RERE: variants seen among roughly 807,000 people sequenced by gnomAD.
The protein encoded by RERE is arginine-glutamic acid dipeptide repeats protein.
RERE carries 40 observed loss-of-function variants against 146.1 expected under a neutral mutation model. That is an observed-to-expected ratio of 0.27 (90% CI 0.21 to 0.36). RERE has a LOEUF of 0.36. Among genes scored for constraint, RERE ranks in the 10% least tolerant of loss-of-function variants. The pLI is 1.00. For synonymous variants in RERE, 1,003 were observed against 866.0 expected, an observed-to-expected ratio of 1.16 and a Z score of -2.78; for missense variants, 1,933 against 2,138.7, an observed-to-expected ratio of 0.90 and a Z score of 1.90.
chr1:8,429,075 G>C (rs970196162), intron 11 of RERE, among the ~76,000 whole-genome samples: 36 of 152,146 alleles, frequency 2.4e-4, no homozygotes, highest in African/African-American at 8.2e-4. Flanking sequence ...CACCACCCTA[G>C]AACAATAAAA....
chr1:8,490,825 A>G (rs1012144303), intron 10 of RERE, among the ~76,000 whole-genome samples: 1 of 150,654 alleles, frequency 6.6e-6, no homozygotes, highest in Non-Finnish European at 1.5e-5. Context: ...AGAGGCCATG[A>G]GGCAACTTTT....
intron 7 of RERE, among the ~76,000 whole-genome samples, chr1:8,510,196 C>T (rs1047179736): frequency 1.3e-5 from 2 of 152,108 alleles, no homozygotes; most frequent in African/African-American, 4.8e-5. Context: ...AACACCAGAA[C>T]AGGCCGATGC....
intron 1 of RERE, among the ~76,000 whole-genome samples, chr1:8,775,139 T>G (rs1641040552): frequency 6.6e-6 from 1 of 151,872 alleles, no homozygotes; most frequent in Non-Finnish European, 1.5e-5. Flanking sequence ...TTTTGTATTT[T>G]TAGTAGAGAC....
At chr1:8,753,997 A>G (rs1202313715) in intron 1 of RERE, among the ~76,000 whole-genome samples, 1 of 152,180 alleles carries the variant, frequency 6.6e-6, no homozygotes, top group East Asian at 1.9e-4. Context: ...AAAACTGAAC[A>G]TAATCATATA....
chr1:8,489,656 A>G (rs10864353), intron 10 of RERE, among the ~76,000 whole-genome samples: 89,036 of 151,914 alleles, frequency 0.59, 26,686 homozygotes, highest in East Asian at 0.83. Flanking sequence ...AAAATGGATA[A>G]AATTTAAAAA....
At position 8,401,038 on chromosome 1, in the gene RERE, C is replaced by CATATATATATAT. The variant is rs59752248; in HGVS notation, c.1284+21677_1284+21688dup. Among the ~76,000 whole-genome samples, 485 of 57,314 alleles carry CATATATATATAT rather than the reference C, an allele frequency of 8.5e-3. 4 individuals are homozygous for CATATATATATAT. The highest frequency in any genetic ancestry group is 0.028 in the Middle Eastern group (1 of 36). 37.6% of individuals were successfully genotyped at this position (57,314 alleles called of 152,430 possible). Reference sequence around the variant, plus strand: ...GTCTCAAAAAAAAAAAAAAAAAAACCATATATATATATATATATATATATA... The same window carrying CATATATATATAT: ...GTCTCAAAAAAAAAAAAAAAAAAACCATATATATATATATATATATATATATATATATATATA... On this transcript the variant is annotated intron_variant, in intron 12 of 22. Transcript: ENST00000400908.
intron 4 of RERE, among the ~76,000 whole-genome samples, chr1:8,607,530 A>ATATAT (rs1646732034): frequency 3.5e-5 from 2 of 57,598 alleles, no homozygotes; most frequent in East Asian, 1.9e-3. Flanking sequence ...TTTTATATAT[A>ATATAT]TTTCTTTTTT....
chr1:8,626,277 CCT>C (rs1326332175), intron 2 of RERE, among the ~76,000 whole-genome samples: 2 of 152,086 alleles, frequency 1.3e-5, no homozygotes, highest in African/African-American at 4.8e-5. Context: ...TGTTTCAGTC[CCT>C]GTTATACCCA....
At chr1:8,771,909 C>CAAAAAAAAAA (rs768264978) in intron 1 of RERE, among the ~76,000 whole-genome samples, 3 of 59,428 alleles carry the variant, frequency 5.0e-5, no homozygotes, top group Non-Finnish European at 1.1e-4. Flanking sequence ...GACTCTGTCT[C>CAAAAAAAAAA]AAAAAAAAAA....
At chr1:8,668,009 T>C (rs1638618860) in intron 1 of RERE, among the ~76,000 whole-genome samples, 1 of 152,214 alleles carries the variant, frequency 6.6e-6, no homozygotes, top group Admixed American at 6.5e-5. Context: ...ACTACAAAAA[T>C]ATCTCCAGAT....
At chr1:8,731,182 C>G (rs1277761496) in intron 1 of RERE, among the ~76,000 whole-genome samples, 2 of 152,148 alleles carry the variant, frequency 1.3e-5, no homozygotes, top group Non-Finnish European at 2.9e-5. Context: ...TGTGGACTAG[C>G]TTGAGAGTTA....
intron 1 of RERE, among the ~76,000 whole-genome samples, chr1:8,744,816 T>C (rs1164933743): frequency 6.6e-6 from 1 of 152,194 alleles, no homozygotes; most frequent in Non-Finnish European, 1.5e-5. Flanking sequence ...TAAGATGGAA[T>C]AAATAGTATG....
intron 12 of RERE, among the ~76,000 whole-genome samples, chr1:8,419,570 C>A (rs1643866180): frequency 6.6e-6 from 1 of 152,158 alleles, no homozygotes; most frequent in Admixed American, 6.5e-5. Context: ...AGTATATTTA[C>A]AAGCAGAAAG....
intron 1 of RERE, among the ~76,000 whole-genome samples, chr1:8,730,140 G>A (rs1033389730): frequency 6.6e-6 from 1 of 152,168 alleles, no homozygotes; most frequent in African/African-American, 2.4e-5. Flanking sequence ...ACTGAAATCA[G>A]TGAACCATCA....
At chr1:8,621,440 A>G (rs1427662457) in intron 3 of RERE, among the ~76,000 whole-genome samples, 1 of 152,188 alleles carries the variant, frequency 6.6e-6, no homozygotes, top group Non-Finnish European at 1.5e-5. Flanking sequence ...TCACCTCATT[A>G]GCTTTTGTTA....
At position 8,537,256 on chromosome 1, in the gene RERE, T is replaced by C. The variant is rs542156512; in HGVS notation, c.830+3958A>G. 3.3e-4 allele frequency among the ~76,000 whole-genome samples: 51 copies of C among 152,288 alleles called. 2 individuals carry two copies. In the South Asian group the frequency reaches 6.6e-3, roughly 20 times the overall value. On this transcript the variant is annotated intron_variant, in intron 7 of 22. Transcript: ENST00000400908. ...ACTTAAATTTCATGGCTAGCACTAA[T>C]ACAGAGTCATAATCCCTTATCTAAA...
intron 1 of RERE, among the ~76,000 whole-genome samples, chr1:8,676,591 G>T (rs572661280): frequency 2.0e-5 from 3 of 152,244 alleles, no homozygotes; most frequent in East Asian, 3.9e-4. Context: ...CAAGGAAAAA[G>T]AGACTCTTAA....
At chr1:8,738,913 G>A (rs542130439) in intron 1 of RERE, among the ~76,000 whole-genome samples, 3 of 152,150 alleles carry the variant, frequency 2.0e-5, no homozygotes, top group Admixed American at 1.3e-4. Flanking sequence ...ACCCATATAG[G>A]ACAGGCACTT....
At chr1:8,369,519 A>T (rs1034049802) in intron 12 of RERE, among the ~76,000 whole-genome samples, 1 of 127,508 alleles carries the variant, frequency 7.8e-6, no homozygotes, top group African/African-American at 4.2e-5. Context: ...AAAAAAAAAA[A>T]AAAAAAAAAA....
Sources: allele counts gnomAD v4.1 joint callset (sites outside exome capture counted in the v4.1 genomes callset), GRCh38; gene constraint gnomAD v4.1.1; transcripts MANE v1.5; gene names NCBI Gene and HGNC (gene_info 2026-07-23, HGNC 2026-07-21).